Variants in ATP4A observed in about 807,000 individuals in gnomAD.
ATP4A encodes potassium-transporting ATPase alpha chain 1.
ATP4A carries 73 observed loss-of-function variants against 112.1 expected under a neutral mutation model. The ratio of observed to expected loss-of-function variants is 0.65; its 90% CI spans 0.54 to 0.79. The LOEUF (loss-of-function observed/expected upper bound fraction) is 0.79, where lower values mean the gene tolerates loss of function less well. ATP4A is among the 30% of genes least tolerant of loss of function. The pLI is 0.00. For missense variants in ATP4A, 1,081 were observed against 1,425.9 expected, an observed-to-expected ratio of 0.76 and a Z score of 3.90; for synonymous variants, 588 against 588.9, an observed-to-expected ratio of 1.00 and a Z score of 0.02.
rs1345599290 is a variant in ATP4A, at chr19:35,562,604, A to C, written c.251T>G (p.Leu84Arg). Residue 84 changes from leucine (L) to arginine (R), a missense_variant, in exon 4 of 22, where the codon CTG becomes CGG. By Grantham distance (102) the Leu-to-Arg change is moderately radical. Around this residue, in one of 3 missense-constraint regions of ATP4A, gnomAD observed 850 missense variants for 1,068.2 expected, o/e 0.80. Coordinates refer to ENST00000262623, the MANE Select transcript of ATP4A (RefSeq NM_000704.3). Reference protein sequence around the residue: ...LSASLAAELLLRDGPNALRPP... With the variant: ...LSASLAAELLRRDGPNALRPP... ...CCGCAGTGCGTTGGGCCCATCCCGC[A>C]GCAGCAGCTCAGCAGCCAGGCTCGC... is the stretch of plus-strand genomic sequence containing the variant. 7 of 1,608,832 alleles carry C rather than the reference A, an allele frequency of 4.4e-6. No homozygotes were observed. In the South Asian group the frequency reaches 7.8e-5, roughly 18 times the overall value.
chr19:35,558,505 G>A lies in ATP4A; in HGVS notation c.1366-9C>T, dbSNP rs2071646595. 26 of 1,591,828 alleles carry A rather than the reference G, an allele frequency of 1.6e-5. No homozygotes were observed. In the East Asian group the frequency reaches 5.9e-4, roughly 36 times the overall value. ...TCTCCAATCACGATGCGCTGGGAGC[G>A]GGGACCGGTGTCAGGGGCGAAGCCG... On this transcript the variant is annotated splice_polypyrimidine_tract_variant and intron_variant, in intron 9 of 21. Transcript: ENST00000262623. This position sits in a 1 kb window ranked among gnomAD's most constrained non-coding sequence, Gnocchi z 5.1.
chr19:35,562,359 T>C, intron 4 of ATP4A, 76 bp downstream of exon 4: 1 of 1,518,468 alleles, frequency 6.6e-7, no homozygotes, highest in African/African-American at 1.4e-5. Flanking sequence ...CTGCCCCTCT[T>C]GTCCCAAGTC....
rs2071666225 is a variant in ATP4A, at chr19:35,560,825, C to T, written c.528G>A (p.Val176=). The T allele has an allele frequency of 6.2e-7, 1 of 1,613,816 alleles. No homozygotes were observed. The highest frequency in any genetic ancestry group is 1.3e-5 in the African/African-American group (1 of 74,836). Residue 176 remains valine (V), a synonymous_variant, in exon 5 of 22, where the codon GTG becomes GTA. Transcript: ENST00000262623. The surrounding 1 kb of genome is among the most constrained non-coding windows in gnomAD (Gnocchi z 5.1). ...TNIIASFKNL[V]PQQATVIRDG... Reference sequence around the variant, plus strand: ...TGGGTGCTGGGGAACCCACCTGTGGCACAAGGTTCTTAAAGCTGGCGATGA... The same window carrying T: ...TGGGTGCTGGGGAACCCACCTGTGGTACAAGGTTCTTAAAGCTGGCGATGA...
At position 35,553,055 on chromosome 19, in the gene ATP4A, G is replaced by A. The variant is rs781043807; in HGVS notation, c.2733C>T (p.Asp911=). ...WEDHHLQDLQ[D]SYGQEWTFGQ... Reference sequence around the variant, plus strand: ...GGCTCACCCACTCCTGGCCGTAGCTGTCCTGCAGATCTTGTAGGTGGTGGT... The same window carrying A: ...GGCTCACCCACTCCTGGCCGTAGCTATCCTGCAGATCTTGTAGGTGGTGGT... The change falls in exon 18 of 22, where the codon GAC becomes GAT. Residue 911 remains aspartate (D), a synonymous_variant. Transcript: ENST00000262623. 6.2e-7 allele frequency: 1 copy of A among 1,607,388 alleles called. No homozygotes were observed. Among genetic ancestry groups the A allele is most frequent in the Non-Finnish European group, 8.5e-7 (1 of 1,174,668 alleles).
rs374834757 is a variant in ATP4A, at chr19:35,555,945, T to C, written c.1870-133A>G. 25 of 1,283,972 alleles carry C rather than the reference T, an allele frequency of 1.9e-5. No homozygotes were observed. The East Asian group carries it at 2.6e-4, about 14-fold the overall frequency. The allele number at this position is 1,283,972 out of a possible 1,614,324, so 79.5% of individuals were successfully genotyped here. ...GACCACCTCCTACGTGCCTGGGATA[T>C]AGCAGAGACAAAAGAGACAAAAATC... On this transcript the variant is annotated intron_variant, in intron 12 of 21. Coordinates refer to ENST00000262623, the MANE Select transcript of ATP4A (RefSeq NM_000704.3). The surrounding 1 kb of genome is among the most constrained non-coding windows in gnomAD (Gnocchi z 6.6).
intron 16 of ATP4A, 84 bp downstream of exon 16, chr19:35,554,838 G>A (rs2071621045): frequency 1.3e-6 from 2 of 1,562,742 alleles, no homozygotes; most frequent in African/African-American, 1.4e-5. Flanking sequence ...AAGAGTGTCT[G>A]TGGTGGTCTC....
In ATP4A at chr19:35,560,270, CAG is replaced by C. The variant is rs1354589042; in HGVS notation, c.787+91_787+92del. Reference sequence around the variant, plus strand: ...AGGTGGCAGTCATGCAGGAGAGAGACAGGGAGGCTGAAGCCCCCTGTCCTAGA... The same window carrying C: ...AGGTGGCAGTCATGCAGGAGAGAGACGGAGGCTGAAGCCCCCTGTCCTAGA... On this transcript the variant is annotated intron_variant, in intron 6 of 21. Coordinates refer to ENST00000262623, the MANE Select transcript of ATP4A (RefSeq NM_000704.3). This position sits in a 1 kb window ranked among gnomAD's most constrained non-coding sequence, Gnocchi z 5.1. 1.8e-5 allele frequency: 29 copies of C among 1,571,480 alleles called. No individual in the cohort carries two copies. Among genetic ancestry groups the C allele is most frequent in the Non-Finnish European group, 2.3e-5 (27 of 1,157,768 alleles).
rs2146305730 is a variant in ATP4A, at chr19:35,551,650, A to G, written c.2752-70T>C. ...TCCCGGCGGAGAGCCTCTGCAGCCCACCGGGCATAGGGTCCCAGGGCCGTG... is the reference window on the plus strand; with the variant it reads ...TCCCGGCGGAGAGCCTCTGCAGCCCGCCGGGCATAGGGTCCCAGGGCCGTG... On this transcript the variant is annotated intron_variant, in intron 18 of 21. Coordinates refer to ENST00000262623, the MANE Select transcript of ATP4A (RefSeq NM_000704.3). This position sits in a 1 kb window ranked among gnomAD's most constrained non-coding sequence, Gnocchi z 5.2. 6.4e-7 allele frequency: 1 copy of G among 1,557,664 alleles called. No homozygotes were observed. Among genetic ancestry groups the G allele is most frequent in the Non-Finnish European group, 8.7e-7 (1 of 1,149,424 alleles).
Position 35,557,379 on chromosome 19 carries a change from A to G in ATP4A, c.1693+276T>C, listed in dbSNP as rs1290483940. Among the ~76,000 whole-genome samples, 1 of 152,180 alleles carries G rather than the reference A, an allele frequency of 6.6e-6. No individual in the cohort carries two copies. The highest frequency in any genetic ancestry group is 1.9e-4 in the East Asian group (1 of 5,194). On this transcript the variant is annotated intron_variant, in intron 11 of 21. Coordinates refer to ENST00000262623, the MANE Select transcript of ATP4A (RefSeq NM_000704.3). This position sits in a 1 kb window ranked among gnomAD's most constrained non-coding sequence, Gnocchi z 4.4. ...ACCACAGATCTGCTTTCTAGGGTAGAGGCAGCGAAGTTTAAGGCGTCAGGA... is the reference window on the plus strand; with the variant it reads ...ACCACAGATCTGCTTTCTAGGGTAGGGGCAGCGAAGTTTAAGGCGTCAGGA...
In ATP4A at chr19:35,551,587, G is replaced by A. The variant is rs749326332; in HGVS notation, c.2752-7C>T. The A allele has an allele frequency of 9.9e-6, 16 of 1,610,808 alleles. No individual in the cohort carries two copies. The South Asian group carries it at 1.8e-4, about 18-fold the overall frequency. ...ACAGGCGCTGCCCGAATGTCTGCAG[G>A]CCAGGGGCAAACGGAAACAGCCTGA... is the stretch of plus-strand genomic sequence containing the variant. On this transcript the variant is annotated splice_region_variant and splice_polypyrimidine_tract_variant and intron_variant, in intron 18 of 21. Transcript: ENST00000262623. The surrounding 1 kb of genome is among the most constrained non-coding windows in gnomAD (Gnocchi z 5.2).
In ATP4A at chr19:35,555,203, A is replaced by T. The variant is rs753645038; in HGVS notation, c.2289T>A (p.Asp763Glu). ...CTGTCACAATGGAGGCAAAGTTGTC[A>T]TCCAGCAGGATCATGTCAGCTGCAT... The part of the protein sequence containing the change: ...AKNAADMILL[D>E]DNFASIVTGV... The change falls in exon 15 of 22, where the codon GAT (aspartate) becomes GAA (glutamate). Residue 763 changes from aspartate to glutamate, a missense_variant. Physicochemically the swap from Asp to Glu is conservative, Grantham distance 45. Around this residue, in one of 3 missense-constraint regions of ATP4A, gnomAD observed 850 missense variants for 1,068.2 expected, o/e 0.80. Coordinates refer to ENST00000262623, the MANE Select transcript of ATP4A (RefSeq NM_000704.3). The surrounding 1 kb of genome is among the most constrained non-coding windows in gnomAD (Gnocchi z 6.6). 1 of 1,614,144 alleles carries T rather than the reference A, an allele frequency of 6.2e-7. No homozygotes were observed. The highest frequency in any genetic ancestry group is 1.7e-5 in the Admixed American group (1 of 60,010).
Position 35,550,253 on chromosome 19 carries a change from A to G in ATP4A, c.*362T>C, listed in dbSNP as rs1600140192. ...TCGCCCAGGACACAAGCGTGTCTTT[A>G]ACGAAGGGCCCTCAGGCAGCCGTCC... is the stretch of plus-strand genomic sequence containing the variant. On this transcript the variant is annotated 3_prime_UTR_variant, in exon 22 of 22. Transcript: ENST00000262623. This position sits in a 1 kb window ranked among gnomAD's most constrained non-coding sequence, Gnocchi z 4.1. 1.9e-5 allele frequency: 6 copies of G among 312,270 alleles called. No individual in the cohort carries two copies. In the South Asian group the frequency reaches 2.3e-4, roughly 12 times the overall value. 19.3% of individuals were successfully genotyped at this position (312,270 alleles called of 1,614,324 possible).
At chr19:35,563,133 C>T in intron 3 of ATP4A, 76 bp downstream of exon 3, 1 of 1,526,426 alleles carries the variant, frequency 6.6e-7, no homozygotes, top group East Asian at 2.3e-5. Flanking sequence ...TCCCTCTCTC[C>T]ATCTCCCTCC....
rs1438972860 is a variant in ATP4A, at chr19:35,560,550, G to A, written c.600C>T (p.Asp200=). The change falls in exon 6 of 22, where the codon GAC becomes GAT. Residue 200 remains aspartate, a synonymous_variant. Transcript: ENST00000262623. This position sits in a 1 kb window ranked among gnomAD's most constrained non-coding sequence, Gnocchi z 5.1. Reference sequence around the variant, plus strand: ...TGTCCCCACCTTTCATCTCCACCAGGTCGCCCACCACCAGTTGGTCAGCGT... The same window carrying A: ...TGTCCCCACCTTTCATCTCCACCAGATCGCCCACCACCAGTTGGTCAGCGT... ...QINADQLVVG[D]LVEMKGGDRV... is the part of the protein sequence containing the mutation. 6.2e-7 allele frequency: 1 copy of A among 1,613,450 alleles called. No homozygotes were observed. The highest frequency in any genetic ancestry group is 2.2e-5 in the East Asian group (1 of 44,866).
In ATP4A at chr19:35,560,650, G is replaced by T. The variant is rs756366775; in HGVS notation, c.535-35C>A. On this transcript the variant is annotated intron_variant, in intron 5 of 21. Coordinates refer to ENST00000262623, the MANE Select transcript of ATP4A (RefSeq NM_000704.3). The surrounding 1 kb of genome is among the most constrained non-coding windows in gnomAD (Gnocchi z 5.1). The stretch of plus-strand genomic sequence containing the variant: ...AGGGGCACCAAAGTTGAGGTGGACG[G>T]GGGTGGGGGTGGGAGCTGCTGCATG... 1 of 1,564,116 alleles carries T rather than the reference G, an allele frequency of 6.4e-7. No homozygotes were observed. Among genetic ancestry groups the T allele is most frequent in the Admixed American group, 1.7e-5 (1 of 59,484 alleles).
chr19:35,555,250 C>G lies in ATP4A; in HGVS notation c.2242G>C (p.Ala748Pro). The change falls in exon 15 of 22, where the codon GCT (alanine) becomes CCT (proline). Residue 748 changes from alanine (A) to proline (P), a missense_variant. Physicochemically the swap from Ala to Pro is conservative, Grantham distance 27. Transcript: ENST00000262623. This position sits in a 1 kb window ranked among gnomAD's most constrained non-coding sequence, Gnocchi z 6.6. ...KADIGVAMGIAGSDAAKNAAD... is the reference protein window; with the variant it reads ...KADIGVAMGIPGSDAAKNAAD... ...GCATTTTTGGCAGCATCTGAGCCAG[C>G]GATGCCCATGGCTACTCCGATGTCT... is the stretch of plus-strand genomic sequence containing the variant. The G allele has an allele frequency of 6.2e-7, 1 of 1,614,188 alleles. No individual in the cohort carries two copies. The highest frequency in any genetic ancestry group is 8.5e-7 in the Non-Finnish European group (1 of 1,180,038).
chr19:35,557,682 G>A lies in ATP4A; in HGVS notation c.1666C>T (p.Leu556=), dbSNP rs1210389558. 2 of 1,609,354 alleles carry A rather than the reference G, an allele frequency of 1.2e-6. No homozygotes were observed. Among genetic ancestry groups the A allele is most frequent in the Non-Finnish European group, 1.7e-6 (2 of 1,178,718 alleles). Residue 556 remains leucine, a synonymous_variant, in exon 11 of 22, where the codon CTG becomes TTG. Transcript: ENST00000262623. This position sits in a 1 kb window ranked among gnomAD's most constrained non-coding sequence, Gnocchi z 4.4. ...AGCACGCGTTCGCCCAGGCCTCCCA[G>A]GCTGAGGTAGGCGGTCTGGAAGGCC... ...REAFQTAYLS[L]GGLGERVLGF...
rs2071652226 is a variant in ATP4A, at chr19:35,559,161, C to CCAGGCGCTTGGCTGTCAGGGA, written c.1066_1086dup (p.Ser356_Leu362dup). ...TTCTTGACCACGCAGTTCTTACTGG[C>CCAGGCGCTTGGCTGTCAGGGA]CAGGCGCTTGGCTGTCAGGGACAGG... On this transcript the variant is annotated inframe_insertion, in exon 8 of 22. Coordinates refer to ENST00000262623, the MANE Select transcript of ATP4A (RefSeq NM_000704.3). This position sits in a 1 kb window ranked among gnomAD's most constrained non-coding sequence, Gnocchi z 4.1. 6.2e-7 allele frequency: 1 copy of CCAGGCGCTTGGCTGTCAGGGA among 1,614,014 alleles called. No individual in the cohort carries two copies. Among genetic ancestry groups the CCAGGCGCTTGGCTGTCAGGGA allele is most frequent in the African/African-American group, 1.3e-5 (1 of 74,920 alleles).
At position 35,557,889 on chromosome 19, in the gene ATP4A, G is replaced by A. The variant is rs748214; in HGVS notation, c.1501-42C>T. On this transcript the variant is annotated intron_variant, in intron 10 of 21. Transcript: ENST00000262623. This position sits in a 1 kb window ranked among gnomAD's most constrained non-coding sequence, Gnocchi z 4.4. ...GAGGCGAGGCTGTGGACGGGGGAAC[G>A]GGGCGGGGCTGTGGACGAGGGAACG... is the stretch of plus-strand genomic sequence containing the variant. 295,764 of 1,060,460 alleles carry A rather than the reference G, an allele frequency of 0.28. 57,848 individuals are homozygous for A. The highest frequency in any genetic ancestry group is 0.36 in the Middle Eastern group (1,084 of 2,970). The allele number at this position is 1,060,460 out of a possible 1,614,324, so 65.7% of individuals were successfully genotyped here.
Sources: allele counts gnomAD v4.1 joint callset (sites outside exome capture counted in the v4.1 genomes callset), GRCh38; gene constraint gnomAD v4.1.1; regional missense constraint gnomAD v4.1.1; non-coding constraint Gnocchi (gnomAD v3.1); transcripts MANE v1.5; gene names NCBI Gene and HGNC (gene_info 2026-07-23, HGNC 2026-07-21).